PMPCB: variants seen among roughly 807,000 people sequenced by gnomAD.
The protein encoded by PMPCB is mitochondrial-processing peptidase subunit beta.
A neutral mutation model predicts 61.5 loss-of-function variants in PMPCB; 46 were observed. The ratio of observed to expected loss-of-function variants is 0.75; its 90% CI spans 0.59 to 0.96. The LOEUF is 0.96. Among genes scored for constraint, PMPCB ranks in the 40% least tolerant of loss-of-function variants. PMPCB has a pLI of 0.00. For missense variants in PMPCB, 590 were observed against 602.4 expected (o/e 0.98, Z 0.22); for synonymous variants, 191 against 201.6 (o/e 0.95, Z 0.44).
the PMPCB span, among the ~76,000 whole-genome samples, chr7:103,342,937 T>C: frequency 1.3e-5 from 2 of 151,784 alleles, no homozygotes; most frequent in African/African-American, 4.8e-5. Context: ...AAGTAATAAA[T>C]AGTGATAAAT....
chr7:103,310,099 T>A (rs1429804084), intron 8 of PMPCB, among the ~76,000 whole-genome samples: 1 of 152,228 alleles, frequency 6.6e-6, no homozygotes, highest in Non-Finnish European at 1.5e-5. Flanking sequence ...GACTCATTGC[T>A]TTTATAACAT....
downstream of PMPCB, among the ~76,000 whole-genome samples, chr7:103,314,974 T>C (rs1586061213): frequency 6.6e-6 from 1 of 152,082 alleles, no homozygotes; most frequent in South Asian, 2.1e-4. Context: ...AGAAAAAAAT[T>C]TATATCACAT....
At chr7:103,329,011 G>A (rs1294832032) in exon 13 of PMPCB, 8 of 1,272,120 alleles carry the variant, frequency 6.3e-6, no homozygotes, top group African/African-American at 3.1e-5. Flanking sequence ...ATACTCCTAC[G>A]TGAACATCCT....
At chr7:103,330,953 G>A (rs113245841), downstream of PMPCB, among the ~76,000 whole-genome samples, 4,241 of 151,238 alleles carry the variant, frequency 0.028, 215 homozygotes, top group African/African-American at 0.097. Context: ...CATAATACAT[G>A]AACAAAATCC....
In PMPCB at chr7:103,308,840, T is replaced by C. The variant is rs1390939245; in HGVS notation, c.850-112T>C. 3 of 724,686 alleles carry C rather than the reference T, an allele frequency of 4.1e-6. No homozygotes were observed. In the Admixed American group the frequency reaches 8.7e-5, roughly 21 times the overall value. The allele number at this position is 724,686 out of a possible 1,614,324, so 44.9% of individuals were successfully genotyped here. On this transcript the variant is annotated intron_variant, in intron 7 of 12. Coordinates refer to ENST00000249269, the MANE Select transcript of PMPCB (RefSeq NM_004279.3). ...TAGTTAAAAAATCAAAATAGAGTCC[T>C]GGTGTGCATTTTAACTTTGCAGTTA...
At position 103,313,134 on chromosome 7, in the gene PMPCB, C is replaced by T; in HGVS notation, c.*863C>T. The T allele has an allele frequency of 6.3e-7, 1 of 1,583,650 alleles. No individual in the cohort carries two copies. The highest frequency in any genetic ancestry group is 8.6e-7 in the Non-Finnish European group (1 of 1,168,682). Reference sequence around the variant, plus strand: ...AGAAAAATTTTTATTTGAAAACTGTCTTTGAACATGTTCTCAGACAAGTCT... The same window carrying T: ...AGAAAAATTTTTATTTGAAAACTGTTTTTGAACATGTTCTCAGACAAGTCT... On this transcript the variant is annotated 3_prime_UTR_variant, in exon 13 of 13. Coordinates refer to ENST00000249269, the MANE Select transcript of PMPCB (RefSeq NM_004279.3).
downstream of PMPCB, among the ~76,000 whole-genome samples, chr7:103,329,933 C>T (rs1310394437): frequency 2.6e-5 from 4 of 152,278 alleles, no homozygotes; most frequent in Admixed American, 6.5e-5. Context: ...ACTTAACTCA[C>T]TGACCCAAAC....
At position 103,298,564 on chromosome 7, in the gene PMPCB, C is replaced by G. The variant is rs370646556; in HGVS notation, c.100-4C>G. 1.3e-5 allele frequency: 21 copies of G among 1,613,438 alleles called. No homozygotes were observed. The African/African-American group carries it at 2.0e-4, about 15-fold the overall frequency. On this transcript the variant is annotated splice_region_variant and splice_polypyrimidine_tract_variant and intron_variant, in intron 1 of 12. Coordinates refer to ENST00000249269, the MANE Select transcript of PMPCB (RefSeq NM_004279.3). The stretch of plus-strand genomic sequence containing the variant: ...TGTCTCTTCCACTTCCTACCCCCAA[C>G]CAGTCATTATATTTTGGAGAGAACA...
In PMPCB at chr7:103,313,253, C is replaced by G. The variant is rs1028637714; in HGVS notation, c.*982C>G. ...AGAGATGAGAGATACATATAGCCCT[C>G]TGAGTGTTAATAAGAGAAAAAATTT... On this transcript the variant is annotated 3_prime_UTR_variant, in exon 13 of 13. Coordinates refer to ENST00000249269, the MANE Select transcript of PMPCB (RefSeq NM_004279.3). The G allele has an allele frequency of 6.1e-5, 82 of 1,339,162 alleles. No individual in the cohort carries two copies. The highest frequency in any genetic ancestry group is 7.7e-5 in the Non-Finnish European group (80 of 1,044,330). 83.0% of individuals were successfully genotyped at this position (1,339,162 alleles called of 1,614,324 possible). A position where few individuals can be genotyped will look rare whatever the true frequency, so the allele number is the denominator to read the frequency against.
chr7:103,337,429 A>G, the PMPCB span: 1 of 231,116 alleles, frequency 4.3e-6, no homozygotes, highest in African/African-American at 2.3e-5. Context: ...TGCAGCTGCT[A>G]TACTTCTAAA....
downstream of PMPCB, among the ~76,000 whole-genome samples, chr7:103,330,931 GATT>G (rs1346731636): frequency 6.6e-6 from 1 of 151,502 alleles, no homozygotes; most frequent in Non-Finnish European, 1.5e-5. Flanking sequence ...GGGTGCATGT[GATT>G]ATTTTGTTCA....
chr7:103,337,892 G>T, the PMPCB span: 3 of 994,306 alleles, frequency 3.0e-6, no homozygotes, highest in Non-Finnish European at 3.1e-6. Flanking sequence ...ACCTTAATAA[G>T]CATTTCCCAA....
At chr7:103,347,504 G>A in the PMPCB span, 11 of 520,824 alleles carry the variant, frequency 2.1e-5, no homozygotes, top group Non-Finnish European at 3.9e-5. Flanking sequence ...TACAAACACT[G>A]TAAAGTTTCC....
Position 103,312,363 on chromosome 7 carries a change from T to G in PMPCB, c.*92T>G. 6 of 1,562,084 alleles carry G rather than the reference T, an allele frequency of 3.8e-6. No homozygotes were observed. The highest frequency in any genetic ancestry group is 2.6e-6 in the Non-Finnish European group (3 of 1,162,392). ...GAACATGTATATACATTTGGAAATTTGAATTAAATACTGTATCATACTTTC... is the reference window on the plus strand; with the variant it reads ...GAACATGTATATACATTTGGAAATTGGAATTAAATACTGTATCATACTTTC... On this transcript the variant is annotated 3_prime_UTR_variant, in exon 13 of 13. Transcript: ENST00000249269.
downstream of PMPCB, among the ~76,000 whole-genome samples, chr7:103,314,937 A>C (rs748425654): frequency 6.6e-6 from 1 of 152,196 alleles, no homozygotes; most frequent in Non-Finnish European, 1.5e-5. Context: ...TTTTCCACAT[A>C]AACTGCTTTC....
chr7:103,324,589 C>A (rs2115909037), intron 12 of PMPCB: 1 of 1,417,064 alleles, frequency 7.1e-7, no homozygotes. Flanking sequence ...AATATTCTTA[C>A]AATTCTTCAA....
chr7:103,303,988 T>C lies in PMPCB; in HGVS notation c.604T>C (p.Tyr202His). 1 of 1,614,040 alleles carries C rather than the reference T, an allele frequency of 6.2e-7. No homozygotes were observed. Among genetic ancestry groups the C allele is most frequent in the Non-Finnish European group, 8.5e-7 (1 of 1,179,908 alleles). ...TTTTGATTATCTTCATGCCACAGCT[T>C]ATCAAAATACTGCACTTGGACGGAC... ...VVFDYLHATA[Y>H]QNTALGRTIL... Residue 202 changes from tyrosine (Y) to histidine (H), a missense_variant, in exon 5 of 13, where the codon TAT (tyrosine) becomes CAT (histidine). Tyr to His is a moderately conservative substitution (Grantham distance 83, BLOSUM62 2). Transcript: ENST00000249269.
At chr7:103,312,179 T>C in intron 12 of PMPCB, 28 bp from the exon 13 acceptor site, 1 of 1,614,020 alleles carries the variant, frequency 6.2e-7, no homozygotes. Context: ...CCAAGTACTT[T>C]TAATTAACTC....
At chr7:103,331,883 G>A (rs1034688804), downstream of PMPCB, among the ~76,000 whole-genome samples, 5 of 152,138 alleles carry the variant, frequency 3.3e-5, no homozygotes, top group African/African-American at 1.2e-4. Flanking sequence ...TAGTGGGAAC[G>A]CTGGGCTATA....
Sources: allele counts gnomAD v4.1 joint callset (sites outside exome capture counted in the v4.1 genomes callset), GRCh38; gene constraint gnomAD v4.1.1; transcripts MANE v1.5; gene names NCBI Gene and HGNC (gene_info 2026-07-23, HGNC 2026-07-21).